The following SNTG1 variants were observed in gnomAD, a reference collection of about 807,000 sequenced individuals.
The protein encoded by SNTG1 is gamma-1-syntrophin.
SNTG1 carries 39 observed loss-of-function variants against 74.7 expected under a neutral mutation model. That is an observed-to-expected ratio of 0.52 (90% confidence interval 0.40 to 0.68). The LOEUF (loss-of-function observed/expected upper bound fraction) is 0.68, where lower values mean the gene tolerates loss of function less well. Among genes scored for constraint, SNTG1 ranks in the 30% least tolerant of loss-of-function variants. SNTG1 has a pLI of 0.00. For missense variants in SNTG1, 685 were observed against 609.5 expected, an observed-to-expected ratio of 1.12 and a Z score of -1.30; for synonymous variants, 254 against 217.1, an observed-to-expected ratio of 1.17 and a Z score of -1.49.
chr8:50,661,336 C>A (rs1409284658), intron 15 of SNTG1, among the ~76,000 whole-genome samples: 1 of 152,104 alleles, frequency 6.6e-6, no homozygotes, highest in Non-Finnish European at 1.5e-5. Flanking sequence ...GCTTTGGAAA[C>A]CCCATGTGGA....
At chr8:50,502,511 G>C (rs141809085) in intron 8 of SNTG1, among the ~76,000 whole-genome samples, 94 of 152,258 alleles carry the variant, frequency 6.2e-4, no homozygotes, top group African/African-American at 2.0e-3. Context: ...GCCTAATATA[G>C]AGCATAAACT....
At chr8:50,656,236 C>G (rs1563701594) in intron 13 of SNTG1, among the ~76,000 whole-genome samples, 1 of 152,098 alleles carries the variant, frequency 6.6e-6, no homozygotes. Context: ...ATGTTTGACT[C>G]TCAAGAAAAT....
intron 15 of SNTG1, among the ~76,000 whole-genome samples, chr8:50,696,988 T>C (rs1292532994): frequency 6.6e-6 from 1 of 152,130 alleles, no homozygotes; most frequent in Non-Finnish European, 1.5e-5. Context: ...AATATGACAT[T>C]GGTACTTTGA....
intron 2 of SNTG1, among the ~76,000 whole-genome samples, chr8:50,392,636 A>G (rs1563325249): frequency 6.6e-6 from 1 of 152,158 alleles, no homozygotes; most frequent in Non-Finnish European, 1.5e-5. Flanking sequence ...ATTTTATCTA[A>G]CTGTATGTAG....
At chr8:50,259,805 T>G (rs1014867025) in intron 2 of SNTG1, among the ~76,000 whole-genome samples, 1 of 152,072 alleles carries the variant, frequency 6.6e-6, no homozygotes, top group African/African-American at 2.4e-5. Context: ...CCACATAAAT[T>G]GAAGAAGCAG....
intron 15 of SNTG1, among the ~76,000 whole-genome samples, chr8:50,670,042 C>G (rs1429311066): frequency 6.6e-6 from 1 of 152,050 alleles, no homozygotes; most frequent in African/African-American, 2.4e-5. Flanking sequence ...GGATGTATCT[C>G]AAAATAATAA....
intron 2 of SNTG1, among the ~76,000 whole-genome samples, chr8:50,352,637 C>A (rs537759695): frequency 3.3e-5 from 5 of 152,216 alleles, no homozygotes; most frequent in South Asian, 2.1e-4. Context: ...GTGATCCACC[C>A]GCCTCAGCTT....
At chr8:49,966,542 C>G (rs967964294) in intron 1 of SNTG1, among the ~76,000 whole-genome samples, 3 of 151,772 alleles carry the variant, frequency 2.0e-5, no homozygotes, top group Non-Finnish European at 4.4e-5. Context: ...CTACAGGCAC[C>G]CGCTACCACA....
At chr8:50,594,892 C>T (rs896273381) in intron 13 of SNTG1, among the ~76,000 whole-genome samples, 3 of 152,100 alleles carry the variant, frequency 2.0e-5, no homozygotes, top group Non-Finnish European at 2.9e-5. Flanking sequence ...GGCATTATAA[C>T]TGGACCTGGT....
intron 2 of SNTG1, among the ~76,000 whole-genome samples, chr8:50,377,931 A>T (rs2092416254): frequency 6.6e-6 from 1 of 152,206 alleles, no homozygotes; most frequent in East Asian, 1.9e-4. Context: ...ATCAATAATA[A>T]TGCTATGGGA....
At chr8:50,122,298 T>C (rs1280551288) in intron 1 of SNTG1, among the ~76,000 whole-genome samples, 1 of 142,254 alleles carries the variant, frequency 7.0e-6, no homozygotes, top group Non-Finnish European at 1.6e-5. Context: ...TACTCCCTTA[T>C]TCCCAGCAGA....
At chr8:50,572,338 C>T (rs990091665) in intron 12 of SNTG1, among the ~76,000 whole-genome samples, 4 of 151,312 alleles carry the variant, frequency 2.6e-5, no homozygotes, top group Admixed American at 6.6e-5. Flanking sequence ...ATGAATGATT[C>T]GACACTGAAC....
intron 1 of SNTG1, among the ~76,000 whole-genome samples, chr8:50,020,122 C>T (rs1816690217): frequency 6.6e-6 from 1 of 152,086 alleles, no homozygotes; most frequent in African/African-American, 2.4e-5. Context: ...TTAAACAGCA[C>T]CTGGAATGGT....
intron 12 of SNTG1, among the ~76,000 whole-genome samples, chr8:50,567,516 A>T (rs2094522779): frequency 6.6e-6 from 1 of 152,242 alleles, no homozygotes; most frequent in Non-Finnish European, 1.5e-5. Flanking sequence ...ATACATATAC[A>T]TACACATATG....
intron 2 of SNTG1, among the ~76,000 whole-genome samples, chr8:50,366,949 CT>C (rs1351122210): frequency 6.8e-6 from 1 of 146,950 alleles, no homozygotes; most frequent in East Asian, 2.0e-4. Context: ...ATATAGTATA[CT>C]ATAAGGACGC....
At chr8:50,073,063 A>G (rs1223477931) in intron 1 of SNTG1, among the ~76,000 whole-genome samples, 1 of 152,170 alleles carries the variant, frequency 6.6e-6, no homozygotes, top group Non-Finnish European at 1.5e-5. Context: ...AAATGAGACA[A>G]CACTGAAGCT....
At chr8:50,148,421 TTA>T (rs1473868690) in intron 1 of SNTG1, among the ~76,000 whole-genome samples, 1 of 152,168 alleles carries the variant, frequency 6.6e-6, no homozygotes, top group African/African-American at 2.4e-5. Context: ...ATTAATTTTT[TTA>T]TTACTTTAAC....
At chr8:50,326,088 T>G (rs576500912) in intron 2 of SNTG1, among the ~76,000 whole-genome samples, 1 of 152,104 alleles carries the variant, frequency 6.6e-6, no homozygotes, top group East Asian at 1.9e-4. Flanking sequence ...CAAGTGGCTG[T>G]AGTGTATAGT....
chr8:50,033,312 C>T (rs531008894), intron 1 of SNTG1, among the ~76,000 whole-genome samples: 159 of 152,006 alleles, frequency 1.0e-3, no homozygotes, highest in Admixed American at 1.6e-3. Context: ...TTACTAGAGA[C>T]GGGGTTTCTC....
Sources: allele counts gnomAD v4.1 joint callset (sites outside exome capture counted in the v4.1 genomes callset), GRCh38; gene constraint gnomAD v4.1.1; transcripts MANE v1.5; gene names NCBI Gene and HGNC (gene_info 2026-07-23, HGNC 2026-07-21).